The following RBFOX3 variants were observed in gnomAD, a reference collection of about 807,000 sequenced individuals.
RBFOX3 encodes the protein RNA binding fox-1 homolog 3.
RBFOX3 carries 17 observed loss-of-function variants against 48.7 expected under a neutral mutation model. That is an observed-to-expected ratio of 0.35 (90% CI 0.24 to 0.52). The LOEUF (loss-of-function observed/expected upper bound fraction) is 0.52, where lower values mean the gene tolerates loss of function less well. Among genes scored for constraint, RBFOX3 ranks in the 20% least tolerant of loss-of-function variants. The pLI is 0.94. For synonymous variants in RBFOX3, 212 were observed against 209.5 expected (o/e 1.01, Z -0.10); for missense variants, 382 against 497.5 (o/e 0.77, Z 2.21).
chr17:79,337,891 T>C (rs1287783254), intron 2 of RBFOX3, among the ~76,000 whole-genome samples: 1 of 152,170 alleles, frequency 6.6e-6, no homozygotes, highest in African/African-American at 2.4e-5. Flanking sequence ...GTGTCTCTTT[T>C]TCTTAAATTT....
At chr17:79,291,361 T>C (rs868263990) in intron 3 of RBFOX3, among the ~76,000 whole-genome samples, 3 of 152,316 alleles carry the variant, frequency 2.0e-5, no homozygotes, top group Middle Eastern at 3.4e-3. Flanking sequence ...TCAGCTAGGT[T>C]ACAGTGTGAG....
At chr17:79,583,983 T>G (rs1457529530) in intron 1 of RBFOX3, among the ~76,000 whole-genome samples, 7 of 152,012 alleles carry the variant, frequency 4.6e-5, no homozygotes, top group Non-Finnish European at 1.0e-4. Flanking sequence ...GCCTCCGCCT[T>G]GTACAAAAAG....
Position 79,130,986 on chromosome 17 carries a change from A to G in RBFOX3, c.-33-15238T>C, listed in dbSNP as rs573560081. On this transcript the variant is annotated intron_variant, in intron 4 of 14. Transcript: ENST00000693108. ...GCTCTGCGTGCCCTGCGTGTGCCCC[A>G]TGTGTACTGTGTGCCCCGTGTGTGA... Among the ~76,000 whole-genome samples the G allele has an allele frequency of 1.1e-4, 17 of 151,964 alleles. No homozygotes were observed. The South Asian group carries it at 3.5e-3, about 32-fold the overall frequency.
chr17:79,114,067 T>C (rs556626998), intron 5 of RBFOX3, among the ~76,000 whole-genome samples: 1 of 152,326 alleles, frequency 6.6e-6, no homozygotes, highest in African/African-American at 2.4e-5. Context: ...CCCCCTCGTC[T>C]GTCCATAAGG....
At chr17:79,660,104 T>C in the RBFOX3 span, among the ~76,000 whole-genome samples, 1 of 152,084 alleles carries the variant, frequency 6.6e-6, no homozygotes, top group Non-Finnish European at 1.5e-5. Flanking sequence ...GGAGAATCAC[T>C]TGACCCTGGA....
intron 2 of RBFOX3, among the ~76,000 whole-genome samples, chr17:79,382,509 T>C (rs1020822831): frequency 6.6e-6 from 1 of 152,216 alleles, no homozygotes; most frequent in African/African-American, 2.4e-5. Context: ...CCATGTCCTC[T>C]AGGGCAGGAG....
Position 79,092,238 on chromosome 17 carries a change from G to A in RBFOX3, c.1078-1353C>T, listed in dbSNP as rs2074063452. ...GCTCTTGCCCTCATAGGGCGCTACC[G>A]CTACTCCCAGGTTGGGGGCTGCCTG... On this transcript the variant is annotated intron_variant, in intron 14 of 14. Coordinates refer to ENST00000693108, the MANE Select transcript of RBFOX3 (RefSeq NM_001350451.2). 6 of 985,536 alleles carry A rather than the reference G, an allele frequency of 6.1e-6. No homozygotes were observed. In the South Asian group the frequency reaches 1.4e-4, roughly 23 times the overall value. 61.0% of individuals were successfully genotyped at this position (985,536 alleles called of 1,614,324 possible).
intron 14 of RBFOX3, among the ~76,000 whole-genome samples, chr17:79,093,808 C>G (rs1454109422): frequency 6.7e-6 from 1 of 149,602 alleles, no homozygotes; most frequent in Non-Finnish European, 1.5e-5. Context: ...CACACACACA[C>G]ACACACACAC....
intron 4 of RBFOX3, among the ~76,000 whole-genome samples, chr17:79,152,514 C>G (rs1178842593): frequency 2.0e-5 from 3 of 152,186 alleles, no homozygotes. Flanking sequence ...GGGATGAGGG[C>G]ACTCATTCTG....
intron 3 of RBFOX3, among the ~76,000 whole-genome samples, chr17:79,291,992 C>T (rs1304827895): frequency 6.6e-6 from 1 of 152,116 alleles, no homozygotes; most frequent in East Asian, 1.9e-4. Flanking sequence ...CAGCCTCCAC[C>T]CCTACTTAGA....
Position 79,546,558 on chromosome 17 carries a change from C to T in RBFOX3, c.-319-63960G>A, listed in dbSNP as rs373154667. Among the ~76,000 whole-genome samples the T allele has an allele frequency of 1.6e-4, 23 of 142,420 alleles. No homozygotes were observed. In the East Asian group the frequency reaches 2.7e-3, roughly 17 times the overall value. 93.4% of individuals were successfully genotyped at this position (142,420 alleles called of 152,430 possible). A position where few individuals can be genotyped will look rare whatever the true frequency, so the allele number is the denominator to read the frequency against. ...GCTTCCCAATGGCCTGTCTGTAGCC[C>T]GCTCCACGCCCATCCATCTGACGGC... On this transcript the variant is annotated intron_variant, in intron 1 of 14. Coordinates refer to ENST00000693108, the MANE Select transcript of RBFOX3 (RefSeq NM_001350451.2).
chr17:79,140,421 CCAAT>C (rs1486614426), intron 4 of RBFOX3, among the ~76,000 whole-genome samples: 9 of 152,374 alleles, frequency 5.9e-5, no homozygotes, highest in African/African-American at 2.2e-4. Flanking sequence ...CTCCTGGGCA[CCAAT>C]CACACACCTG....
intron 2 of RBFOX3, among the ~76,000 whole-genome samples, chr17:79,438,777 G>A (rs886129897): frequency 3.9e-5 from 6 of 152,238 alleles, no homozygotes; most frequent in Admixed American, 6.5e-5. Context: ...CATCACCTGC[G>A]TTTCCTCTAG....
At position 79,498,607 on chromosome 17, in the gene RBFOX3, C is replaced by T. The variant is rs138249018; in HGVS notation, c.-319-16009G>A. 1.1e-3 allele frequency among the ~76,000 whole-genome samples: 161 copies of T among 149,422 alleles called. 2 individuals carry two copies. The highest frequency in any genetic ancestry group is 3.6e-3 in the African/African-American group (147 of 40,506). On this transcript the variant is annotated intron_variant, in intron 1 of 14. Transcript: ENST00000693108. ...CCATCTACCCATTCGCCCATCCATCCATGCATCTATCCATCCATCCATCCA... is the reference window on the plus strand; with the variant it reads ...CCATCTACCCATTCGCCCATCCATCTATGCATCTATCCATCCATCCATCCA...
intron 3 of RBFOX3, among the ~76,000 whole-genome samples, chr17:79,246,005 C>T (rs1261147523): frequency 6.6e-6 from 1 of 151,844 alleles, no homozygotes; most frequent in Admixed American, 6.6e-5. Flanking sequence ...GCTTCAGCCA[C>T]GAGCATGTCA....
Position 79,486,808 on chromosome 17 carries a change from T to A in RBFOX3, c.-319-4210A>T, listed in dbSNP as rs904378761. On this transcript the variant is annotated intron_variant, in intron 1 of 14. Transcript: ENST00000693108. ...AGTCTCAGAGAAGGATTTTAAAGAC[T>A]CCTGTGCCCGCATCTGCAGCTGGCC... Among the ~76,000 whole-genome samples, 27 of 152,186 alleles carry A rather than the reference T, an allele frequency of 1.8e-4. No homozygotes were observed. The South Asian group carries it at 2.5e-3, about 14-fold the overall frequency.
At chr17:79,436,421 G>A (rs1487223956) in intron 2 of RBFOX3, among the ~76,000 whole-genome samples, 2 of 152,252 alleles carry the variant, frequency 1.3e-5, no homozygotes, top group Non-Finnish European at 2.9e-5. Context: ...CCACATAGAG[G>A]TACCAAGGCC....
chr17:79,301,957 G>A (rs1485646380), intron 3 of RBFOX3, among the ~76,000 whole-genome samples: 1 of 152,138 alleles, frequency 6.6e-6, no homozygotes, highest in Middle Eastern at 3.2e-3. Context: ...TGGGGGAGGG[G>A]GTGGTTTCTA....
chr17:79,279,366 G>C (rs2069698732), intron 3 of RBFOX3, among the ~76,000 whole-genome samples: 1 of 152,066 alleles, frequency 6.6e-6, no homozygotes, highest in Non-Finnish European at 1.5e-5. Flanking sequence ...TTACATTCTG[G>C]GACCTCTAAT....
Sources: gnomAD v4.1 joint callset for allele counts (sites outside exome capture counted in the v4.1 genomes callset) on GRCh38, gnomAD v4.1.1 for gene constraint, MANE v1.5 for transcripts, NCBI Gene and HGNC (gene_info 2026-07-23, HGNC 2026-07-21) for gene names.